ZNF540: variants seen among roughly 807,000 people sequenced by gnomAD.
ZNF540 encodes CTD-3064H18.6.
Under a neutral mutation model 11.8 loss-of-function variants are expected in ZNF540, and 3 were observed. That is an observed-to-expected ratio of 0.25 (90% CI 0.12 to 0.65). ZNF540 has a LOEUF of 0.65. ZNF540 is among the 30% of genes least tolerant of loss of function. The probability of loss-of-function intolerance (pLI) is 0.83; values close to 1 mark genes in which losing one functional copy is unlikely to be tolerated. For synonymous variants in ZNF540, 247 were observed against 259.0 expected, an observed-to-expected ratio of 0.95 and a Z score of 0.45; for missense variants, 709 against 793.1, an observed-to-expected ratio of 0.89 and a Z score of 1.27.
At chr19:37,567,740 G>A (rs2042911019) in intron 1 of ZNF540, 1 of 152,042 alleles carries the variant, frequency 6.6e-6, no homozygotes, top group Non-Finnish European at 1.5e-5. Context: ...CTTTAATTAG[G>A]TCCATGCCAG....
chr19:37,609,817 C>T (rs2044114488), intron 4 of ZNF540, among the ~76,000 whole-genome samples: 1 of 151,724 alleles, frequency 6.6e-6, no homozygotes, highest in African/African-American at 2.4e-5. Context: ...CACTGCACTC[C>T]ATCCTGGGTG....
At chr19:37,560,818 T>C (rs1016009090) in intron 1 of ZNF540, 4 of 152,096 alleles carry the variant, frequency 2.6e-5, no homozygotes, top group East Asian at 1.9e-4. Flanking sequence ...CCACCAACCA[T>C]TTTGAGAGAA....
intron 1 of ZNF540, chr19:37,584,031 C>T (rs1019660986): frequency 1.2e-6 from 2 of 1,614,058 alleles, no homozygotes; most frequent in Non-Finnish European, 1.7e-6. Context: ...TCCCTCTGAG[C>T]AGGGTCCAGG....
chr19:37,583,685 T>C (rs1164790732), intron 1 of ZNF540: 2 of 248,442 alleles, frequency 8.1e-6, no homozygotes, highest in Non-Finnish European at 1.6e-5. Context: ...GCTTAGGGAC[T>C]GCACATACAG....
At chr19:37,583,023 T>C (rs550421043) in intron 1 of ZNF540, among the ~76,000 whole-genome samples, 2 of 152,316 alleles carry the variant, frequency 1.3e-5, no homozygotes, top group East Asian at 3.9e-4. Flanking sequence ...CCTCTGCCTA[T>C]TTCTCTAACC....
At position 37,613,088 on chromosome 19, in the gene ZNF540, G is replaced by A. The variant is rs1337102165; in HGVS notation, c.1808G>A (p.Gly603Asp). The part of the protein sequence containing the change: ...DLRIHQRIHT[G>D]EKPYECKQCG... ...AGAATACATCAAAGAATTCATACTG[G>A]TGAGAAACCCTATGAGTGTAAACAA... Residue 603 changes from glycine (G) to aspartate (D), a missense_variant, in exon 5 of 5, where the codon GGT (glycine) becomes GAT (aspartate). Coordinates refer to ENST00000316433, the MANE Select transcript of ZNF540 (RefSeq NM_001172225.3). 1.9e-6 allele frequency: 3 copies of A among 1,613,942 alleles called. No individual in the cohort carries two copies. The highest frequency in any genetic ancestry group is 1.1e-5 in the South Asian group (1 of 91,070).
intron 1 of ZNF540, among the ~76,000 whole-genome samples, chr19:37,568,455 A>G (rs2042942868): frequency 6.6e-6 from 1 of 152,168 alleles, no homozygotes; most frequent in South Asian, 2.1e-4. Context: ...ACTGAAAGAA[A>G]TCAATGGGCT....
chr19:37,608,754 G>A (rs987954707), intron 4 of ZNF540, among the ~76,000 whole-genome samples: 2 of 152,050 alleles, frequency 1.3e-5, no homozygotes, highest in Non-Finnish European at 2.9e-5. Flanking sequence ...TTTCCCCATC[G>A]CTAGGTGTGA....
chr19:37,586,059 T>G (rs1331241374), intron 1 of ZNF540: 1 of 152,342 alleles, frequency 6.6e-6, no homozygotes, highest in African/African-American at 2.4e-5. Flanking sequence ...ATTAGCCCTT[T>G]CAGACTGATT....
upstream of ZNF540, among the ~76,000 whole-genome samples, chr19:37,590,976 A>G (rs1411429872): frequency 6.6e-6 from 1 of 152,250 alleles, no homozygotes; most frequent in Non-Finnish European, 1.5e-5. Context: ...TTAATGTTTT[A>G]GCAACCAAGA....
intron 1 of ZNF540, chr19:37,555,920 G>T (rs1212963907): frequency 1.4e-6 from 1 of 700,878 alleles, no homozygotes; most frequent in South Asian, 1.5e-5. Context: ...ATCCCCCAGA[G>T]TAGGTGGCTA....
chr19:37,556,920 C>T (rs1462400139), intron 1 of ZNF540, among the ~76,000 whole-genome samples: 2 of 152,042 alleles, frequency 1.3e-5, no homozygotes, highest in Admixed American at 6.6e-5. Flanking sequence ...GCTCTGGGCT[C>T]GATAGGCACA....
Position 37,613,096 on chromosome 19 carries a change from C to T in ZNF540, c.1816C>T (p.Pro606Ser). Residue 606 changes from proline (P) to serine (S), a missense_variant, in exon 5 of 5, where the codon CCC (proline) becomes TCC (serine). Transcript: ENST00000316433. ...IHQRIHTGEK[P>S]YECKQCGKAF... is the part of the protein sequence containing the mutation. ...TCAAAGAATTCATACTGGTGAGAAA[C>T]CCTATGAGTGTAAACAATGTGGGAA... 1.9e-6 allele frequency: 3 copies of T among 1,613,978 alleles called. No homozygotes were observed. The highest frequency in any genetic ancestry group is 2.5e-6 in the Non-Finnish European group (3 of 1,179,956).
rs1372803409 is a variant in ZNF540 at position 37,613,715 on chromosome 19, T to C, written c.*452T>C. The C allele has an allele frequency of 2.5e-6, 1 of 398,250 alleles. No individual in the cohort carries two copies. The highest frequency in any genetic ancestry group is 3.6e-5 in the East Asian group (1 of 28,064). The allele number at this position is 398,250 out of a possible 1,614,324, so 24.7% of individuals were successfully genotyped here. A position where few individuals can be genotyped will look rare whatever the true frequency, so the allele number is the denominator to read the frequency against. On this transcript the variant is annotated 3_prime_UTR_variant, in exon 5 of 5. Coordinates refer to ENST00000316433, the MANE Select transcript of ZNF540 (RefSeq NM_001172225.3). ...TGGATTTCTTAATAGGAAGATGCAA[T>C]GGAGATGACAAATTTGGAAAAACCA... is the stretch of plus-strand genomic sequence containing the variant.
upstream of ZNF540, among the ~76,000 whole-genome samples, chr19:37,591,859 A>G (rs148917872): frequency 2.0e-3 from 307 of 152,350 alleles, no homozygotes; most frequent in African/African-American, 6.9e-3. Context: ...CCGTATTTTA[A>G]GATAACCAAA....
chr19:37,592,455 G>A (rs1210521090), upstream of ZNF540, among the ~76,000 whole-genome samples: 2 of 152,104 alleles, frequency 1.3e-5, no homozygotes, highest in Non-Finnish European at 2.9e-5. Flanking sequence ...CCCTTTGGAG[G>A]ACCACAGATC....
chr19:37,568,142 G>C (rs1206001453), intron 1 of ZNF540, among the ~76,000 whole-genome samples: 1 of 152,172 alleles, frequency 6.6e-6, no homozygotes, highest in African/African-American at 2.4e-5. Flanking sequence ...AGCAGGCACA[G>C]GGTCTCTGAC....
chr19:37,573,662 T>G, intron 1 of ZNF540, among the ~76,000 whole-genome samples: 1 of 136,210 alleles, frequency 7.3e-6, no homozygotes, highest in South Asian at 2.4e-4. Context: ...ACAGACCTTG[T>G]GTCTACAAAA....
intron 1 of ZNF540, among the ~76,000 whole-genome samples, chr19:37,580,544 T>G (rs945098042): frequency 6.6e-6 from 1 of 152,214 alleles, no homozygotes; most frequent in African/African-American, 2.4e-5. Context: ...CCACCAAATC[T>G]CATGTTGAAA....
Sources: allele counts gnomAD v4.1 joint callset (sites outside exome capture counted in the v4.1 genomes callset), GRCh38; gene constraint gnomAD v4.1.1; transcripts MANE v1.5; gene names NCBI Gene and HGNC (gene_info 2026-07-23, HGNC 2026-07-21).